Variants in CTBP1 observed in about 807,000 individuals in gnomAD.
CTBP1 encodes C-terminal binding protein 1.
A neutral mutation model predicts 42.1 loss-of-function variants in CTBP1; 11 were observed. The observed-to-expected ratio is 0.26, with a 90% CI of 0.16 to 0.43. CTBP1 has a LOEUF of 0.43. Ranked by LOEUF, CTBP1 falls within the 20% of genes least tolerant of loss-of-function variation. CTBP1 has a pLI of 1.00. For synonymous variants in CTBP1, 324 were observed against 277.1 expected (o/e 1.17, Z -1.68); for missense variants, 399 against 624.3 (o/e 0.64, Z 3.85).
intron 5 of CTBP1, among the ~76,000 whole-genome samples, chr4:1,224,112 G>A (rs1268819121): frequency 1.3e-5 from 2 of 152,248 alleles, no homozygotes; most frequent in Non-Finnish European, 2.9e-5. Flanking sequence ...CTCAAGGGGC[G>A]AGCACATGCT....
In CTBP1 at chr4:1,212,560, A is replaced by G. The variant is rs1006544618; in HGVS notation, c.1107-137T>C. The G allele has an allele frequency of 1.0e-5, 8 of 797,162 alleles. 1 individual carries two copies. Among genetic ancestry groups the G allele is most frequent in the Non-Finnish European group, 1.5e-5 (8 of 533,364 alleles). 49.4% of individuals were successfully genotyped at this position (797,162 alleles called of 1,614,324 possible). On this transcript the variant is annotated intron_variant, in intron 9 of 9. Transcript: ENST00000382952. ...TCAGGGTAAGGATCCCGGCCTTTAC[A>G]CGGATGTTCCTGCCTATGGCAGCTA...
intron 5 of CTBP1, among the ~76,000 whole-genome samples, chr4:1,222,282 CG>C (rs1332891148): frequency 6.6e-6 from 1 of 152,052 alleles, no homozygotes; most frequent in Non-Finnish European, 1.5e-5. Context: ...GTAGGGGTCC[CG>C]TCCACAAGGT....
chr4:1,236,986 C>T (rs1186815768), intron 3 of CTBP1: 20 of 671,014 alleles, frequency 3.0e-5, no homozygotes, highest in Non-Finnish European at 5.1e-5. Context: ...CAGGAGAAAC[C>T]GAGCGTCCAT....
intron 4 of CTBP1, among the ~76,000 whole-genome samples, chr4:1,227,970 C>A (rs1389337571): frequency 1.3e-5 from 2 of 152,238 alleles, no homozygotes; most frequent in African/African-American, 4.8e-5. Context: ...GAAGCCACAG[C>A]TGGATTTCCT....
chr4:1,244,922 C>T, intron 1 of CTBP1: 1 of 985,440 alleles, frequency 1.0e-6, no homozygotes, highest in Non-Finnish European at 1.2e-6. Context: ...GCCTTCCAGT[C>T]CTGAGATACA....
intron 3 of CTBP1, chr4:1,234,879 A>C (rs1577061309): frequency 6.6e-6 from 1 of 152,292 alleles, no homozygotes; most frequent in African/African-American, 2.4e-5. Context: ...GTGACGTGCC[A>C]ACGTGCCCAT....
chr4:1,240,611 G>A (rs113742866), intron 2 of CTBP1, among the ~76,000 whole-genome samples: 27 of 132,758 alleles, frequency 2.0e-4, no homozygotes, highest in South Asian at 5.3e-4. Flanking sequence ...GTCCCTCGTC[G>A]GAACCGCGTG....
intron 2 of CTBP1, among the ~76,000 whole-genome samples, chr4:1,239,004 C>T (rs1429227935): frequency 6.6e-6 from 1 of 152,162 alleles, no homozygotes; most frequent in Non-Finnish European, 1.5e-5. Context: ...TAGGACGCCC[C>T]CAACCCTCTG....
chr4:1,213,678 C>A lies in CTBP1; in HGVS notation c.861-73G>T, dbSNP rs1402520959. 5.2e-6 allele frequency: 8 copies of A among 1,543,570 alleles called. No homozygotes were observed. The African/African-American group carries it at 1.1e-4, about 21-fold the overall frequency. On this transcript the variant is annotated intron_variant, in intron 7 of 9. Coordinates refer to ENST00000382952, the MANE Select transcript of CTBP1 (RefSeq NM_001012614.2). ...GGTACGGAGGGGAGGTGGCTGGGCA[C>A]TGGAACCCCCTGTGGGGGGCCCTGC... is the stretch of plus-strand genomic sequence containing the variant.
intron 1 of CTBP1, chr4:1,243,817 A>G (rs1165898548): frequency 3.0e-6 from 3 of 985,284 alleles, no homozygotes; most frequent in Admixed American, 6.1e-5. Flanking sequence ...CAGGACCCAC[A>G]CTGCTTTTCC....
chr4:1,228,278 C>G lies in CTBP1; in HGVS notation c.228G>C (p.Glu76Asp). ...CGATGATGCGGAGGGCTTTGAACTT[C>G]TCCAGGTCCTCCCTGGTGAGAGTGA... ...HTITLTREDLEKFKALRIIVR... is the reference protein window; with the variant it reads ...HTITLTREDLDKFKALRIIVR... Residue 76 changes from glutamate (E) to aspartate (D), a missense_variant, in exon 4 of 10, where the codon GAG becomes GAC. Physicochemically the swap from Glu to Asp is conservative, Grantham distance 45. Transcript: ENST00000382952. The G allele has an allele frequency of 6.2e-7, 1 of 1,614,198 alleles. No homozygotes were observed. Among genetic ancestry groups the G allele is most frequent in the Non-Finnish European group, 8.5e-7 (1 of 1,180,018 alleles).
rs925397431 is a variant in CTBP1, at chr4:1,233,788, C to T, written c.162+4395G>A. 6.6e-5 allele frequency among the ~76,000 whole-genome samples: 10 copies of T among 152,190 alleles called. No individual in the cohort carries two copies. The highest frequency in any genetic ancestry group is 9.7e-5 in the African/African-American group (4 of 41,436). ...GTTCTCTCCCTCCACGGCACTCAGACGGCGGCGACCTCCAACCAGCTATGC... is the reference window on the plus strand; with the variant it reads ...GTTCTCTCCCTCCACGGCACTCAGATGGCGGCGACCTCCAACCAGCTATGC... On this transcript the variant is annotated intron_variant, in intron 3 of 9. Coordinates refer to ENST00000382952, the MANE Select transcript of CTBP1 (RefSeq NM_001012614.2). This position sits in a 1 kb window ranked among gnomAD's most constrained non-coding sequence, Gnocchi z 4.6.
chr4:1,214,323 G>A lies in CTBP1; in HGVS notation c.860+20C>T, dbSNP rs1577014449. 3 of 1,532,304 alleles carry A rather than the reference G, an allele frequency of 2.0e-6. No homozygotes were observed. The highest frequency in any genetic ancestry group is 1.7e-6 in the Non-Finnish European group (2 of 1,148,038). 94.9% of individuals were successfully genotyped at this position (1,532,304 alleles called of 1,614,324 possible). A position where few individuals can be genotyped will look rare whatever the true frequency, so the allele number is the denominator to read the frequency against. On this transcript the variant is annotated intron_variant, in intron 7 of 9. Coordinates refer to ENST00000382952, the MANE Select transcript of CTBP1 (RefSeq NM_001012614.2). ...GGTGGACAGGGAAGAGCAGGGGGGC[G>A]GCACTGGCCGTGGGGGCACCTGAAG...
At chr4:1,215,607 C>A (rs1366409417) in intron 6 of CTBP1, 1 of 304,280 alleles carries the variant, frequency 3.3e-6, no homozygotes, top group Non-Finnish European at 6.3e-6. Flanking sequence ...CAGAGGCCGA[C>A]CTGAGCACAG....
intron 9 of CTBP1, 93 bp from the exon 10 acceptor site, chr4:1,212,516 T>C: frequency 9.0e-7 from 1 of 1,114,884 alleles, no homozygotes; most frequent in Non-Finnish European, 1.2e-6. Context: ...CGAGGGGGCC[T>C]CTCCAGGAGG....
intron 1 of CTBP1, among the ~76,000 whole-genome samples, chr4:1,247,777 G>GC (rs1190440919): frequency 6.6e-6 from 1 of 151,174 alleles, no homozygotes; most frequent in Non-Finnish European, 1.5e-5. Context: ...AGGGGGGGGG[G>GC]GCTCGGGCTC....
chr4:1,227,199 G>A (rs1196611758), intron 4 of CTBP1, among the ~76,000 whole-genome samples: 1 of 150,882 alleles, frequency 6.6e-6, no homozygotes, highest in Non-Finnish European at 1.5e-5. Flanking sequence ...CGTGTTCCAT[G>A]AGTGTTCCAT....
rs147730569 is a variant in CTBP1, at chr4:1,228,801, C to G, written c.163-458G>C. Among the ~76,000 whole-genome samples the G allele has an allele frequency of 3.6e-3, 551 of 152,288 alleles. 3 individuals carry two copies. The highest frequency in any genetic ancestry group is 0.012 in the African/African-American group (501 of 41,544). On this transcript the variant is annotated intron_variant, in intron 3 of 9. Transcript: ENST00000382952. Reference sequence around the variant, plus strand: ...GGCCAGGGAACCTGAGACCTGCAGGCCCGGGGATGCAGGTAGAAAGTGGTA... The same window carrying G: ...GGCCAGGGAACCTGAGACCTGCAGGGCCGGGGATGCAGGTAGAAAGTGGTA...
intron 5 of CTBP1, among the ~76,000 whole-genome samples, chr4:1,222,837 C>A (rs1247199624): frequency 2.0e-5 from 3 of 152,128 alleles, no homozygotes; most frequent in Admixed American, 1.3e-4. Context: ...CAGACCCCGA[C>A]CCCAGGAGAG....
Sources: gnomAD v4.1 joint callset for allele counts (sites outside exome capture counted in the v4.1 genomes callset) on GRCh38, gnomAD v4.1.1 for gene constraint, Gnocchi (gnomAD v3.1) non-coding constraint, MANE v1.5 for transcripts, NCBI Gene and HGNC (gene_info 2026-07-23, HGNC 2026-07-21) for gene names.